Variants in LSS observed in about 807,000 individuals in gnomAD.
LSS encodes the protein lanosterol synthase.
In LSS, 90 loss-of-function variants were observed where a neutral mutation model predicts 110.3. The ratio of observed to expected loss-of-function variants is 0.82; its 90% CI spans 0.69 to 0.97. The LOEUF (loss-of-function observed/expected upper bound fraction) is 0.97. Among genes scored for constraint, LSS ranks in the 50% least tolerant of loss-of-function variants. The pLI, the probability that LSS is intolerant of heterozygous loss-of-function variation, is 0.00. For missense variants in LSS, 927 were observed against 990.0 expected (o/e 0.94, Z 0.85); for synonymous variants, 433 against 400.0 (o/e 1.08, Z -0.98).
At chr21:46,214,966 G>C (rs1464963374) in intron 9 of LSS, among the ~76,000 whole-genome samples, 1 of 152,014 alleles carries the variant, frequency 6.6e-6, no homozygotes, top group Non-Finnish European at 1.5e-5. Flanking sequence ...GAAGCGGGGG[G>C]TCGAGTGTGG....
intron 17 of LSS, among the ~76,000 whole-genome samples, chr21:46,199,075 A>G (rs1331326997): frequency 6.6e-6 from 1 of 152,190 alleles, no homozygotes; most frequent in African/African-American, 2.4e-5. Context: ...GCTCTGCAAA[A>G]GATACTGTTA....
intron 11 of LSS, among the ~76,000 whole-genome samples, chr21:46,211,684 AAGCATT>A (rs1241833665): frequency 6.6e-6 from 1 of 152,162 alleles, no homozygotes; most frequent in Non-Finnish European, 1.5e-5. Flanking sequence ...ACCACCAGAA[AAGCATT>A]CTCGCCAAAG....
At chr21:46,220,982 TGGGGCTTGGAGAGGTAGCCAGGCC>T (rs973089814) in intron 5 of LSS, among the ~76,000 whole-genome samples, 2 of 102,586 alleles carry the variant, frequency 1.9e-5, no homozygotes, top group South Asian at 7.0e-4. Context: ...GTGGACAGCC[TGGGGCTTGGAGAGGTAGCCAGGCC>T]GGGGCTTGGA....
chr21:46,196,204 T>C lies in LSS; in HGVS notation c.1734A>G (p.Glu578=), dbSNP rs1304990812. The C allele has an allele frequency of 6.2e-7, 1 of 1,614,078 alleles. No homozygotes were observed. Among genetic ancestry groups the C allele is most frequent in the Non-Finnish European group, 8.5e-7 (1 of 1,179,988 alleles). The change falls in exon 18 of 22, where the codon GAA becomes GAG. Residue 578 remains glutamate (E), a splice_region_variant and synonymous_variant. Coordinates refer to ENST00000397728, the MANE Select transcript of LSS (RefSeq NM_002340.6). ...CTCACGAGTGGAGGCTCACTCACCCTTCCCAGGAGCCATCGGCCCTCTGCT... is the reference window on the plus strand; with the variant it reads ...CTCACGAGTGGAGGCTCACTCACCCCTCCCAGGAGCCATCGGCCCTCTGCT... ...RRQQRADGSW[E]GSWGVCFTYG...
chr21:46,188,597 C>T lies in LSS; in HGVS notation c.*2507G>A, dbSNP rs778642691. The T allele has an allele frequency of 1.1e-5, 5 of 469,780 alleles. No homozygotes were observed. Among genetic ancestry groups the T allele is most frequent in the South Asian group, 3.1e-5 (2 of 64,504 alleles). 29.1% of individuals were successfully genotyped at this position (469,780 alleles called of 1,614,324 possible). ...CTGGGACAGGTCACCCTCCCAGCAC[C>T]GAGAAGCCGACGGGGGAGGAACAGA... On this transcript the variant is annotated 3_prime_UTR_variant, in exon 22 of 22. Transcript: ENST00000397728.
At chr21:46,196,406 C>A in intron 17 of LSS, 139 bp from the exon 18 acceptor site, 2 of 687,134 alleles carry the variant, frequency 2.9e-6, no homozygotes, top group South Asian at 1.8e-5. Flanking sequence ...TTACACAGAC[C>A]GATGAGGGTT....
chr21:46,222,602 G>A, intron 4 of LSS, 28 bp downstream of exon 4: 1 of 1,581,426 alleles, frequency 6.3e-7, no homozygotes, highest in Non-Finnish European at 8.7e-7. Context: ...ATGCACATGT[G>A]CAGTGACACA....
At chr21:46,197,814 G>A (rs954171202) in intron 17 of LSS, among the ~76,000 whole-genome samples, 26 of 151,786 alleles carry the variant, frequency 1.7e-4, no homozygotes, top group Admixed American at 2.0e-4. Flanking sequence ...GCGTGAATCC[G>A]GGAGGCAGAG....
In LSS at chr21:46,188,858, C is replaced by T; in HGVS notation, c.*2246G>A. ...AACAATGCAGTGAAAGAAAGTTCCTCCTATGTGGACATTGTATCACGTTTA... is the reference window on the plus strand; with the variant it reads ...AACAATGCAGTGAAAGAAAGTTCCTTCTATGTGGACATTGTATCACGTTTA... On this transcript the variant is annotated 3_prime_UTR_variant, in exon 22 of 22. Coordinates refer to ENST00000397728, the MANE Select transcript of LSS (RefSeq NM_002340.6). 4.4e-6 allele frequency: 2 copies of T among 452,306 alleles called. No individual in the cohort carries two copies. Among genetic ancestry groups the T allele is most frequent in the Middle Eastern group, 3.6e-4 (1 of 2,806 alleles). The allele number at this position is 452,306 out of a possible 1,614,324, so 28.0% of individuals were successfully genotyped here. A position where few individuals can be genotyped will look rare whatever the true frequency, so the allele number is the denominator to read the frequency against.
At chr21:46,210,774 A>G (rs1361540559) in intron 11 of LSS, 30 bp from the exon 12 acceptor site, 1 of 1,609,398 alleles carries the variant, frequency 6.2e-7, no homozygotes, top group South Asian at 1.1e-5. Flanking sequence ...TTACAGCAGC[A>G]GATGCAGCCC....
intron 12 of LSS, among the ~76,000 whole-genome samples, chr21:46,210,331 G>A (rs906692101): frequency 2.6e-5 from 4 of 152,060 alleles, no homozygotes; most frequent in Non-Finnish European, 5.9e-5. Context: ...CTCCCAAAGT[G>A]CTGGGATTAC....
Position 46,209,727 on chromosome 21 carries a change from G to T in LSS, c.1195-102C>A, listed in dbSNP as rs931241488. ...CTGGCCACATCCTGCCCCAACCGGG[G>T]ACCAGAATCAAACCAGCAGACATCT... On this transcript the variant is annotated intron_variant, in intron 12 of 21. Coordinates refer to ENST00000397728, the MANE Select transcript of LSS (RefSeq NM_002340.6). This position sits in a 1 kb window ranked among gnomAD's most constrained non-coding sequence, Gnocchi z 4.4. The T allele has an allele frequency of 2.4e-5, 23 of 973,058 alleles. 1 individual carries two copies. The highest frequency in any genetic ancestry group is 3.2e-5 in the African/African-American group (2 of 62,050). 60.3% of individuals were successfully genotyped at this position (973,058 alleles called of 1,614,324 possible). A position where few individuals can be genotyped will look rare whatever the true frequency, so the allele number is the denominator to read the frequency against.
intron 2 of LSS, among the ~76,000 whole-genome samples, chr21:46,228,046 C>G (rs2080373400): frequency 6.6e-6 from 1 of 152,220 alleles, no homozygotes; most frequent in East Asian, 1.9e-4. Context: ...GCCTTTCCCT[C>G]GGTGGCCGGG....
In LSS at chr21:46,196,045, G is replaced by C. The variant is rs941804987; in HGVS notation, c.1736+157C>G. 4.6e-5 allele frequency among the ~76,000 whole-genome samples: 7 copies of C among 152,260 alleles called. No homozygotes were observed. The South Asian group carries it at 1.4e-3, about 31-fold the overall frequency. ...GGGCAAAGGCCACGCATGCCACAAA[G>C]GAACGAGGTCCCCCAGAAGTCACGG... On this transcript the variant is annotated intron_variant, in intron 18 of 21. Coordinates refer to ENST00000397728, the MANE Select transcript of LSS (RefSeq NM_002340.6).
At position 46,212,911 on chromosome 21, in the gene LSS, G is replaced by A. The variant is rs995296068; in HGVS notation, c.1137+114C>T. The A allele has an allele frequency of 1.0e-5, 13 of 1,296,706 alleles. No individual in the cohort carries two copies. The African/African-American group carries it at 1.0e-4, about 10-fold the overall frequency. 80.3% of individuals were successfully genotyped at this position (1,296,706 alleles called of 1,614,324 possible). A position where few individuals can be genotyped will look rare whatever the true frequency, so the allele number is the denominator to read the frequency against. On this transcript the variant is annotated intron_variant, in intron 11 of 21. Transcript: ENST00000397728. ...GCCTCAACTGACTCAGCCTCTAGTC[G>A]CACGCTGCCGGGACCTGGTCCAGGA...
At position 46,216,964 on chromosome 21, in the gene LSS, A is replaced by C. The variant is rs1221874674; in HGVS notation, c.648-440T>G. Reference sequence around the variant, plus strand: ...TTTAAAAGTGTATTTAAGAAACTTTAGGAGGGGCACGGTGGCTCACGCCTG... The same window carrying C: ...TTTAAAAGTGTATTTAAGAAACTTTCGGAGGGGCACGGTGGCTCACGCCTG... On this transcript the variant is annotated intron_variant, in intron 6 of 21. Transcript: ENST00000397728. This position sits in a 1 kb window ranked among gnomAD's most constrained non-coding sequence, Gnocchi z 4.2. 2.0e-5 allele frequency among the ~76,000 whole-genome samples: 3 copies of C among 152,158 alleles called. No individual in the cohort carries two copies. The highest frequency in any genetic ancestry group is 1.3e-4 in the Admixed American group (2 of 15,284).
chr21:46,210,720 CCCAGATCTGTGAGCCGTTGGTG>C lies in LSS; in HGVS notation c.1140_1161del (p.Asn382ProfsTer30). 6.2e-7 allele frequency: 1 copy of C among 1,614,084 alleles called. No homozygotes were observed. Among genetic ancestry groups the C allele is most frequent in the Non-Finnish European group, 8.5e-7 (1 of 1,180,006 alleles). ...AGAGCCTGGATGGCGAATGCGGTGT[CCCAGATCTGTGAGCCGTTGGTG>C]CCCTACACACAAAGGATGGTGTTAC... On this transcript the variant is annotated frameshift_variant and splice_region_variant, in exon 12 of 22. Transcript: ENST00000397728.
At chr21:46,201,020 G>A (rs556872375) in intron 17 of LSS, among the ~76,000 whole-genome samples, 97 of 144,170 alleles carry the variant, frequency 6.7e-4, no homozygotes, top group African/African-American at 2.3e-3. Context: ...CCTGAGGGTA[G>A]AGCCTGGATC....
chr21:46,196,961 G>A (rs746048692), intron 17 of LSS, among the ~76,000 whole-genome samples: 3 of 152,262 alleles, frequency 2.0e-5, no homozygotes, highest in Non-Finnish European at 4.4e-5. Context: ...TGTGCTCAGA[G>A]GCAGATCCTT....
Sources: gnomAD v4.1 joint callset for allele counts (sites outside exome capture counted in the v4.1 genomes callset) on GRCh38, gnomAD v4.1.1 for gene constraint, Gnocchi (gnomAD v3.1) non-coding constraint, MANE v1.5 for transcripts, NCBI Gene and HGNC (gene_info 2026-07-23, HGNC 2026-07-21) for gene names.